SDCCAG8: variants seen among roughly 807,000 people sequenced by gnomAD.
SDCCAG8 encodes SHH signaling and ciliogenesis regulator SDCCAG8.
In SDCCAG8, 74 loss-of-function variants were observed where a neutral mutation model predicts 101.8. The observed-to-expected ratio is 0.73, with a 90% CI of 0.60 to 0.88. SDCCAG8 has a LOEUF of 0.88. Ranked by LOEUF, SDCCAG8 falls within the 40% of genes least tolerant of loss-of-function variation. SDCCAG8 has a pLI of 0.00. For missense variants in SDCCAG8, 787 were observed against 822.6 expected, an observed-to-expected ratio of 0.96 and a Z score of 0.53; for synonymous variants, 281 against 292.9, an observed-to-expected ratio of 0.96 and a Z score of 0.41.
chr1:243,302,420 G>A (rs1363997896), intron 6 of SDCCAG8, among the ~76,000 whole-genome samples: 1 of 152,178 alleles, frequency 6.6e-6, no homozygotes, highest in Non-Finnish European at 1.5e-5. Context: ...GGAAGGGATA[G>A]GCTAACTCTA....
chr1:243,493,177 C>G (rs1189675552), intron 17 of SDCCAG8, among the ~76,000 whole-genome samples: 1 of 135,900 alleles, frequency 7.4e-6, no homozygotes, highest in Non-Finnish European at 1.5e-5. Context: ...CACTCTCGCC[C>G]TCTTGAGAGG....
intron 12 of SDCCAG8, among the ~76,000 whole-genome samples, chr1:243,359,916 C>G (rs2076599493): frequency 6.6e-6 from 1 of 152,052 alleles, no homozygotes; most frequent in African/African-American, 2.4e-5. Flanking sequence ...CATATTTTAG[C>G]AGTTATATGT....
intron 15 of SDCCAG8, among the ~76,000 whole-genome samples, chr1:243,424,680 T>A (rs950180634): frequency 4.6e-5 from 7 of 152,032 alleles, no homozygotes; most frequent in Non-Finnish European, 1.0e-4. Context: ...TGGTTAAGTT[T>A]CCAGATTATG....
At chr1:243,457,571 C>A (rs1162313081) in intron 16 of SDCCAG8, among the ~76,000 whole-genome samples, 1 of 152,200 alleles carries the variant, frequency 6.6e-6, no homozygotes, top group Non-Finnish European at 1.5e-5. Flanking sequence ...GGTGTATTTA[C>A]TTTTGAACTT....
intron 9 of SDCCAG8, among the ~76,000 whole-genome samples, chr1:243,320,437 C>T (rs1447458413): frequency 6.6e-6 from 1 of 152,132 alleles, no homozygotes; most frequent in Admixed American, 6.6e-5. Flanking sequence ...TTCCCATGCC[C>T]GTGGTCTGTC....
chr1:243,256,106 T>C lies in SDCCAG8; in HGVS notation c.-68T>C. 1 of 1,485,502 alleles carries C rather than the reference T, an allele frequency of 6.7e-7. No homozygotes were observed. 92.0% of individuals were successfully genotyped at this position (1,485,502 alleles called of 1,614,324 possible). The stretch of plus-strand genomic sequence containing the variant: ...GGGCGCTCCCCGGCCACAGGCCTGT[T>C]GTTCTCGGAAGGGAGAAAGCTGGAC... On this transcript the variant is annotated 5_prime_UTR_variant, in exon 1 of 18. Coordinates refer to ENST00000366541, the MANE Select transcript of SDCCAG8 (RefSeq NM_006642.5).
At chr1:243,375,249 A>G (rs1221599333) in intron 12 of SDCCAG8, among the ~76,000 whole-genome samples, 1 of 152,132 alleles carries the variant, frequency 6.6e-6, no homozygotes, top group East Asian at 1.9e-4. Context: ...GTGAAGATAA[A>G]CATCAGAAGA....
At chr1:243,269,844 C>G (rs1476911001) in intron 1 of SDCCAG8, among the ~76,000 whole-genome samples, 6 of 151,968 alleles carry the variant, frequency 3.9e-5, no homozygotes, top group Non-Finnish European at 7.4e-5. Context: ...TAATCCTTGC[C>G]GGTGGTGCTA....
chr1:243,256,390 G>A, intron 1 of SDCCAG8, 150 bp downstream of exon 1: 1 of 682,362 alleles, frequency 1.5e-6, no homozygotes, highest in Non-Finnish European at 2.7e-6. Flanking sequence ...TGAGGAGGAT[G>A]AAATAGTTTG....
chr1:243,348,935 G>A (rs1316298129), intron 12 of SDCCAG8, among the ~76,000 whole-genome samples: 1 of 151,234 alleles, frequency 6.6e-6, no homozygotes, highest in East Asian at 1.9e-4. Flanking sequence ...GTGGTGAGCC[G>A]AGATCACGCC....
At chr1:243,260,904 G>A (rs750973305) in intron 1 of SDCCAG8, among the ~76,000 whole-genome samples, 1 of 152,160 alleles carries the variant, frequency 6.6e-6, no homozygotes, top group East Asian at 1.9e-4. Flanking sequence ...CCAGGTCACT[G>A]CACTTACTTT....
At chr1:243,411,495 T>C (rs2080173836) in intron 13 of SDCCAG8, among the ~76,000 whole-genome samples, 2 of 152,144 alleles carry the variant, frequency 1.3e-5, no homozygotes, top group South Asian at 4.1e-4. Context: ...GTAAATATGG[T>C]TTGACAAATA....
intron 12 of SDCCAG8, among the ~76,000 whole-genome samples, chr1:243,347,848 T>C (rs1241092450): frequency 6.6e-6 from 1 of 152,162 alleles, no homozygotes; most frequent in Admixed American, 6.5e-5. Context: ...GACGATTCTT[T>C]ATAGCCGCTA....
In SDCCAG8 at chr1:243,270,951, A is replaced by G. The variant is rs187351317; in HGVS notation, c.221-27A>G. 183 of 1,545,358 alleles carry G rather than the reference A, an allele frequency of 1.2e-4. No homozygotes were observed. The East Asian group carries it at 3.2e-3, about 27-fold the overall frequency. The stretch of plus-strand genomic sequence containing the variant: ...GAAACCATGGATCTCAAATAAGGTT[A>G]ATAAACCCTCTGCTTTTGCTCTATA... On this transcript the variant is annotated intron_variant, in intron 2 of 17. Coordinates refer to ENST00000366541, the MANE Select transcript of SDCCAG8 (RefSeq NM_006642.5).
At chr1:243,418,193 G>T (rs2080739429) in intron 15 of SDCCAG8, 117 bp downstream of exon 15, 1 of 723,200 alleles carries the variant, frequency 1.4e-6, no homozygotes, top group African/African-American at 1.8e-5. Context: ...GGTATCTGCT[G>T]ATGTTTTCTT....
chr1:243,472,423 C>T (rs1431084307), intron 16 of SDCCAG8, among the ~76,000 whole-genome samples: 1 of 152,198 alleles, frequency 6.6e-6, no homozygotes, highest in Non-Finnish European at 1.5e-5. Flanking sequence ...AGAAAGAGGT[C>T]AGTACCTGGT....
chr1:243,493,041 C>G (rs1307820419), intron 17 of SDCCAG8, among the ~76,000 whole-genome samples: 3 of 152,146 alleles, frequency 2.0e-5, no homozygotes, highest in African/African-American at 4.8e-5. Flanking sequence ...TGTGGAGAAA[C>G]AGACACTGAA....
chr1:243,342,361 C>A (rs909185556), intron 11 of SDCCAG8, among the ~76,000 whole-genome samples: 1 of 152,254 alleles, frequency 6.6e-6, no homozygotes, highest in East Asian at 1.9e-4. Flanking sequence ...TTGCTTCCAA[C>A]GTGGAGATAA....
chr1:243,467,695 T>C lies in SDCCAG8; in HGVS notation c.1986-21319T>C, dbSNP rs547498985. Among the ~76,000 whole-genome samples the C allele has an allele frequency of 5.9e-5, 9 of 152,370 alleles. No individual in the cohort carries two copies. In the South Asian group the frequency reaches 1.7e-3, roughly 28 times the overall value. On this transcript the variant is annotated intron_variant, in intron 16 of 17. Coordinates refer to ENST00000366541, the MANE Select transcript of SDCCAG8 (RefSeq NM_006642.5). ...GAAAGACTATTCTCTTGATAAGAAA[T>C]TTCTGACAATTTTAGTTATGTTAAA...
Sources: gnomAD v4.1 joint callset for allele counts (sites outside exome capture counted in the v4.1 genomes callset) on GRCh38, gnomAD v4.1.1 for gene constraint, MANE v1.5 for transcripts, NCBI Gene and HGNC (gene_info 2026-07-23, HGNC 2026-07-21) for gene names.